NFATC3: variants seen among roughly 807,000 people sequenced by gnomAD.
NFATC3 encodes nuclear factor of activated T-cells, cytoplasmic 3.
NFATC3 carries 46 observed loss-of-function variants against 98.6 expected under a neutral mutation model. That is an observed-to-expected ratio of 0.47 (90% CI 0.37 to 0.60). The LOEUF is 0.60. Ranked by LOEUF, NFATC3 falls within the 20% of genes least tolerant of loss-of-function variation. NFATC3 has a pLI of 0.00. For missense variants in NFATC3, 1,256 were observed against 1,295.5 expected, an observed-to-expected ratio of 0.97 and a Z score of 0.47; for synonymous variants, 512 against 472.2, an observed-to-expected ratio of 1.08 and a Z score of -1.09.
At chr16:68,089,759 T>C (rs1424796616) in intron 1 of NFATC3, among the ~76,000 whole-genome samples, 1 of 152,200 alleles carries the variant, frequency 6.6e-6, no homozygotes, top group African/African-American at 2.4e-5. Context: ...TATTTTAGTG[T>C]AGTGATTGTG....
chr16:68,088,064 A>G (rs1320763297), intron 1 of NFATC3, among the ~76,000 whole-genome samples: 2 of 152,106 alleles, frequency 1.3e-5, no homozygotes, highest in Non-Finnish European at 2.9e-5. Context: ...AAGCATAATT[A>G]TGAGTATGTA....
intron 3 of NFATC3, 152 bp from the exon 4 acceptor site, chr16:68,157,717 T>G (rs2038690693): frequency 3.7e-6 from 2 of 544,160 alleles, no homozygotes; most frequent in Admixed American, 7.5e-5. Flanking sequence ...TTTGGAGGGC[T>G]GCTCACTGGT....
intron 9 of NFATC3, among the ~76,000 whole-genome samples, chr16:68,201,280 G>A (rs1018249449): frequency 6.6e-6 from 1 of 151,958 alleles, no homozygotes; most frequent in African/African-American, 2.4e-5. Context: ...GCACAGGCTG[G>A]AGTGCAGTGG....
Position 68,122,100 on chromosome 16 carries a change from G to A in NFATC3, c.217G>A (p.Val73Ile). 2 of 1,613,886 alleles carry A rather than the reference G, an allele frequency of 1.2e-6. No homozygotes were observed. Among genetic ancestry groups the A allele is most frequent in the Non-Finnish European group, 1.7e-6 (2 of 1,180,002 alleles). ...TCATGGATTACCGTCTCACTCTTCT[G>A]TTTTGTCACCATCGTTTCAGCTCCA... ...PHHGLPSHSS[V>I]LSPSFQLQSH... Residue 73 changes from valine (V) to isoleucine (I), a missense_variant, in exon 2 of 10, where the codon GTT becomes ATT. Transcript: ENST00000346183.
chr16:68,112,231 C>G (rs911999649), intron 1 of NFATC3, among the ~76,000 whole-genome samples: 1 of 150,488 alleles, frequency 6.6e-6, no homozygotes, highest in Non-Finnish European at 1.5e-5. Flanking sequence ...GATGCGATCT[C>G]CCCGTCTCTT....
At chr16:68,221,723 G>C (rs2041871243) in intron 9 of NFATC3, 1 of 505,522 alleles carries the variant, frequency 2.0e-6, no homozygotes, top group African/African-American at 2.1e-5. Context: ...CTTTAACATA[G>C]TCTTAAAATC....
At chr16:68,201,424 T>C (rs2040908569) in intron 9 of NFATC3, among the ~76,000 whole-genome samples, 1 of 151,280 alleles carries the variant, frequency 6.6e-6, no homozygotes, top group African/African-American at 2.4e-5. Flanking sequence ...TTGTTTGTTT[T>C]TGTTTTTTTT....
chr16:68,156,336 A>AAC (rs562498359), intron 3 of NFATC3, among the ~76,000 whole-genome samples: 18,016 of 152,078 alleles, frequency 0.12, 1,191 homozygotes, highest in South Asian at 0.19. Context: ...ACAACAACAA[A>AAC]AACAAAAACA....
Position 68,122,097 on chromosome 16 carries a change from T to G in NFATC3, c.214T>G (p.Ser72Ala). Reference sequence around the variant, plus strand: ...ACATCATGGATTACCGTCTCACTCTTCTGTTTTGTCACCATCGTTTCAGCT... The same window carrying G: ...ACATCATGGATTACCGTCTCACTCTGCTGTTTTGTCACCATCGTTTCAGCT... ...LPHHGLPSHS[S>A]VLSPSFQLQS... is the part of the protein sequence containing the mutation. Residue 72 changes from serine (S) to alanine (A), a missense_variant, in exon 2 of 10, where the codon TCT (serine) becomes GCT (alanine). Ser to Ala is a moderately conservative substitution (Grantham distance 99). Transcript: ENST00000346183. 5.0e-6 allele frequency: 8 copies of G among 1,614,132 alleles called. No individual in the cohort carries two copies. The highest frequency in any genetic ancestry group is 6.8e-6 in the Non-Finnish European group (8 of 1,180,026).
chr16:68,199,304 A>C (rs2040807587), intron 9 of NFATC3, among the ~76,000 whole-genome samples: 1 of 146,964 alleles, frequency 6.8e-6, no homozygotes, highest in Admixed American at 6.8e-5. Context: ...GCTCACTGCA[A>C]GCTCCGCCTC....
At chr16:68,125,381 T>C (rs2036780531) in intron 2 of NFATC3, among the ~76,000 whole-genome samples, 1 of 152,256 alleles carries the variant, frequency 6.6e-6, no homozygotes, top group Non-Finnish European at 1.5e-5. Flanking sequence ...AATGATCCTT[T>C]GGGCCTTTAA....
chr16:68,170,154 A>G (rs2039389288), intron 5 of NFATC3, among the ~76,000 whole-genome samples: 1 of 152,160 alleles, frequency 6.6e-6, no homozygotes, highest in Non-Finnish European at 1.5e-5. Context: ...GCACTTTGAG[A>G]GGCCGAGGTG....
At position 68,204,491 on chromosome 16, in the gene NFATC3, A is replaced by G. The variant is rs147176111; in HGVS notation, c.3106+12716A>G. Among the ~76,000 whole-genome samples the G allele has an allele frequency of 6.2e-3, 944 of 152,348 alleles. 11 individuals carry two copies. Among genetic ancestry groups the G allele is most frequent in the African/African-American group, 0.022 (900 of 41,580 alleles). On this transcript the variant is annotated intron_variant, in intron 9 of 9. Coordinates refer to ENST00000346183, the MANE Select transcript of NFATC3 (RefSeq NM_173165.3). ...TGCAATCATGTGTGAAATGTGAATT[A>G]TTAGTCTTAATTTTGTATAGATGTG...
rs1426817221 is a variant in NFATC3, at chr16:68,085,662, C to T, written c.-20C>T. ...GCCGCCGCCGCCTGAGGAGGAGCTG[C>T]AGCACCCTGGGCCACGCCGATGACT... On this transcript the variant is annotated 5_prime_UTR_variant, in exon 1 of 10. Coordinates refer to ENST00000346183, the MANE Select transcript of NFATC3 (RefSeq NM_173165.3). 3 of 1,500,514 alleles carry T rather than the reference C, an allele frequency of 2.0e-6. No individual in the cohort carries two copies. Among genetic ancestry groups the T allele is most frequent in the Non-Finnish European group, 2.7e-6 (3 of 1,127,256 alleles). 92.9% of individuals were successfully genotyped at this position (1,500,514 alleles called of 1,614,324 possible).
At chr16:68,202,807 C>T (rs2040982054) in intron 9 of NFATC3, among the ~76,000 whole-genome samples, 1 of 151,566 alleles carries the variant, frequency 6.6e-6, no homozygotes, top group Non-Finnish European at 1.5e-5. Flanking sequence ...AGCAAAACTC[C>T]ATCTCAAAAT....
Position 68,226,589 on chromosome 16 carries a change from T to G in NFATC3, c.*118T>G, listed in dbSNP as rs1340352231. 8.2e-6 allele frequency: 10 copies of G among 1,224,346 alleles called. No individual in the cohort carries two copies. The highest frequency in any genetic ancestry group is 1.6e-5 in the African/African-American group (1 of 63,476). The allele number at this position is 1,224,346 out of a possible 1,614,324, so 75.8% of individuals were successfully genotyped here. On this transcript the variant is annotated 3_prime_UTR_variant, in exon 10 of 10. Coordinates refer to ENST00000346183, the MANE Select transcript of NFATC3 (RefSeq NM_173165.3). ...GGGGCCAGGAGTGGGACCCACCATT[T>G]GTGGGGAAAGTAGCATTCCTCCACC... is the stretch of plus-strand genomic sequence containing the variant.
chr16:68,131,782 C>G (rs1015262397), intron 3 of NFATC3, among the ~76,000 whole-genome samples: 1 of 151,982 alleles, frequency 6.6e-6, no homozygotes, highest in Non-Finnish European at 1.5e-5. Flanking sequence ...GCCACTGCAC[C>G]TGGCCTAAAC....
chr16:68,161,740 A>G (rs1457720175), intron 4 of NFATC3, among the ~76,000 whole-genome samples: 1 of 152,098 alleles, frequency 6.6e-6, no homozygotes, highest in African/African-American at 2.4e-5. Flanking sequence ...AATTTTTTCT[A>G]TTTATTTTTT....
chr16:68,102,761 G>A (rs1470205532), intron 1 of NFATC3, among the ~76,000 whole-genome samples: 2 of 152,128 alleles, frequency 1.3e-5, no homozygotes, highest in South Asian at 4.1e-4. Flanking sequence ...AATTTTTGAG[G>A]CACCATCAAA....
Sources: gnomAD v4.1 joint callset for allele counts (sites outside exome capture counted in the v4.1 genomes callset) on GRCh38, gnomAD v4.1.1 for gene constraint, MANE v1.5 for transcripts, NCBI Gene and HGNC (gene_info 2026-07-23, HGNC 2026-07-21) for gene names.